COL6A2: variants seen among roughly 807,000 people sequenced by gnomAD.
COL6A2 encodes collagen type VI alpha 2 chain.
In COL6A2, 90 loss-of-function variants were observed where a neutral mutation model predicts 124.9. The ratio of observed to expected loss-of-function variants is 0.72; its 90% confidence interval spans 0.61 to 0.86. The LOEUF (loss-of-function observed/expected upper bound fraction) is 0.86. COL6A2 is among the 40% of genes least tolerant of loss of function. COL6A2 has a pLI of 0.00. For synonymous variants in COL6A2, 793 were observed against 618.2 expected (o/e 1.28, Z -4.19); for missense variants, 1,607 against 1,502.5 (o/e 1.07, Z -1.15).
Position 46,125,715 on chromosome 21 carries a change from G to A in COL6A2, c.1970-70G>A, listed in dbSNP as rs528015718. 454 of 1,598,220 alleles carry A rather than the reference G, an allele frequency of 2.8e-4. 1 individual carries two copies. Among genetic ancestry groups the A allele is most frequent in the Admixed American group, 3.8e-4 (22 of 58,536 alleles). On this transcript the variant is annotated intron_variant, in intron 25 of 27. Transcript: ENST00000300527. ...GTCCAGACGCGTCCCTCCAACGAGG[G>A]CCTCTGCATGGCTGGGGATGCCCCA... is the stretch of plus-strand genomic sequence containing the variant.
In COL6A2 at chr21:46,121,101, C is replaced by T. The variant is rs373846012; in HGVS notation, c.1436C>T (p.Ala479Val). Residue 479 changes from alanine to valine, a missense_variant, in exon 17 of 28, where the codon GCT becomes GTT. Physicochemically the swap from Ala to Val is moderately conservative, Grantham distance 64. This residue lies in a region of COL6A2 where 1,223 missense variants were observed against 1,052.2 expected (regional missense o/e 1.16). Coordinates refer to ENST00000300527, the MANE Select transcript of COL6A2 (RefSeq NM_001849.4). The stretch of plus-strand genomic sequence containing the variant: ...CCTGGACCCAGAGGCCCCCAGGGAG[C>T]TCTTGGGGAGCCCGGAAAGCAGGTC... The part of the protein sequence containing the change: ...GLPGPRGPQG[A>V]LGEPGKQGSR... 25 of 1,612,804 alleles carry T rather than the reference C, an allele frequency of 1.6e-5. No individual in the cohort carries two copies. The African/African-American group carries it at 3.1e-4, about 20-fold the overall frequency.
At chr21:46,112,756 C>T in intron 3 of COL6A2, 48 bp from the exon 4 acceptor site, 1 of 1,613,406 alleles carries the variant, frequency 6.2e-7, no homozygotes, top group Non-Finnish European at 8.5e-7. Context: ...TGCAGCCGCC[C>T]CAGGTCTCGA....
chr21:46,124,573 G>C, intron 21 of COL6A2, 78 bp from the exon 22 acceptor site: 1 of 1,413,836 alleles, frequency 7.1e-7, no homozygotes, highest in East Asian at 2.3e-5. Context: ...CGTGGTTGGG[G>C]ACAGCACAGG....
intron 1 of COL6A2, among the ~76,000 whole-genome samples, chr21:46,106,437 G>A (rs2078336022): frequency 6.6e-6 from 1 of 152,192 alleles, no homozygotes; most frequent in Non-Finnish European, 1.5e-5. Context: ...TGTTGGAGTG[G>A]GGATGGTAAT....
At chr21:46,111,046 G>C (rs1256848375) in intron 1 of COL6A2, among the ~76,000 whole-genome samples, 1 of 152,154 alleles carries the variant, frequency 6.6e-6, no homozygotes, top group Non-Finnish European at 1.5e-5. Flanking sequence ...GGGAAGCTGG[G>C]ATCTCTCTCC....
rs1290912034 is a variant in COL6A2 at position 46,132,235 on chromosome 21, T to C, written c.2743T>C (p.Ser915Pro). Reference protein sequence around the residue: ...LETTQYLNSFSHVGAGVVHAI... With the variant: ...LETTQYLNSFPHVGAGVVHAI... ...GACCACACAATACCTGAACTCCTTCTCGCACGTGGGCGCAGGCGTGGTGCA... is the reference window on the plus strand; with the variant it reads ...GACCACACAATACCTGAACTCCTTCCCGCACGTGGGCGCAGGCGTGGTGCA... Residue 915 changes from serine (S) to proline (P), a missense_variant, in exon 28 of 28, where the codon TCG becomes CCG. Ser to Pro is a moderately conservative substitution (Grantham distance 74). This residue lies in a region of COL6A2 where 1,223 missense variants were observed against 1,052.2 expected (regional missense o/e 1.16). Coordinates refer to ENST00000300527, the MANE Select transcript of COL6A2 (RefSeq NM_001849.4). The C allele has an allele frequency of 3.1e-6, 5 of 1,600,654 alleles. No homozygotes were observed. The highest frequency in any genetic ancestry group is 1.7e-4 in the Middle Eastern group (1 of 6,050).
intron 18 of COL6A2, among the ~76,000 whole-genome samples, chr21:46,121,824 G>A (rs967019239): frequency 2.0e-5 from 3 of 152,134 alleles, no homozygotes; most frequent in Admixed American, 6.5e-5. Context: ...TGACCCTTGG[G>A]TGTGCATGGC....
chr21:46,113,825 G>A, intron 4 of COL6A2, 183 bp from the exon 5 acceptor site: 1 of 672,864 alleles, frequency 1.5e-6, no homozygotes, highest in Non-Finnish European at 2.7e-6. Flanking sequence ...TGTCCCTGAT[G>A]GGGGCAGAGC....
At chr21:46,119,282 C>T (rs917175641) in intron 14 of COL6A2, among the ~76,000 whole-genome samples, 163 bp downstream of exon 14, 4 of 152,172 alleles carry the variant, frequency 2.6e-5, no homozygotes, top group African/African-American at 2.4e-5. Context: ...GACCACCCCA[C>T]GGGACCCCCC....
intron 27 of COL6A2, among the ~76,000 whole-genome samples, chr21:46,128,522 C>A (rs564730996): frequency 1.3e-5 from 2 of 150,366 alleles, no homozygotes; most frequent in African/African-American, 4.8e-5. Context: ...GCCCTGTCCA[C>A]CCCAAAGCCC....
At chr21:46,129,374 G>A (rs2078725917) in intron 27 of COL6A2, 2 of 1,612,886 alleles carry the variant, frequency 1.2e-6, no homozygotes, top group Admixed American at 3.3e-5. Context: ...CCGCCGAGCG[G>A]GCCAAGTTCG....
rs1255514828 is a variant in COL6A2, at chr21:46,132,002, T to C, written c.2510T>C (p.Leu837Pro). The C allele has an allele frequency of 2.5e-6, 4 of 1,610,214 alleles. No homozygotes were observed. Among genetic ancestry groups the C allele is most frequent in the Non-Finnish European group, 3.4e-6 (4 of 1,179,502 alleles). The change falls in exon 28 of 28, where the codon CTG becomes CCG. Residue 837 changes from leucine (L) to proline (P), a missense_variant. By Grantham distance (98) the Leu-to-Pro change is moderately conservative. This residue lies in a region of COL6A2 where 1,223 missense variants were observed against 1,052.2 expected (regional missense o/e 1.16). Transcript: ENST00000300527. Reference protein sequence around the residue: ...CTQRPVDIVFLLDGSERLGEQ... With the variant: ...CTQRPVDIVFPLDGSERLGEQ... ...CAGCGGCCCGTGGACATCGTCTTCC[T>C]GCTGGACGGCTCCGAGCGGCTGGGT...
In COL6A2 at chr21:46,116,329, G is replaced by C; in HGVS notation, c.901-48G>C. ...GCAGGGCTGGCCCTTCCCTGCCTGTGTCTCTGCAGAGCTCCTCACTAATGC... is the reference window on the plus strand; with the variant it reads ...GCAGGGCTGGCCCTTCCCTGCCTGTCTCTCTGCAGAGCTCCTCACTAATGC... On this transcript the variant is annotated intron_variant, in intron 7 of 27. Transcript: ENST00000300527. This position sits in a 1 kb window ranked among gnomAD's most constrained non-coding sequence, Gnocchi z 4.6. The C allele has an allele frequency of 6.2e-7, 1 of 1,608,116 alleles. No individual in the cohort carries two copies.
At chr21:46,114,824 T>TC (rs1290754424) in intron 5 of COL6A2, among the ~76,000 whole-genome samples, 2 of 152,150 alleles carry the variant, frequency 1.3e-5, no homozygotes, top group African/African-American at 2.4e-5. Context: ...TATGTGAAAC[T>TC]CCAACAATTC....
At chr21:46,131,590 C>T (rs2078760450) in intron 27 of COL6A2, among the ~76,000 whole-genome samples, 1 of 152,316 alleles carries the variant, frequency 6.6e-6, no homozygotes, top group South Asian at 2.1e-4. Flanking sequence ...ACTACACAGA[C>T]AGTGGCCCTT....
chr21:46,124,985 G>A (rs2078637891), intron 23 of COL6A2, 65 bp downstream of exon 23: 1 of 1,592,180 alleles, frequency 6.3e-7, no homozygotes, highest in Non-Finnish European at 8.6e-7. Flanking sequence ...AAGAGCAGCA[G>A]GGGTGGGGGA....
chr21:46,109,573 C>T (rs778285124), intron 1 of COL6A2, among the ~76,000 whole-genome samples: 13 of 152,248 alleles, frequency 8.5e-5, no homozygotes, highest in South Asian at 2.1e-4. Context: ...CAAGGGGCAC[C>T]GGTGCCCAGC....
chr21:46,123,879 ATGGGTGAGTC>A (rs2078611600), intron 21 of COL6A2, among the ~76,000 whole-genome samples: 3 of 141,534 alleles, frequency 2.1e-5, no homozygotes, highest in Non-Finnish European at 4.6e-5. Flanking sequence ...AGATGGATGG[ATGGGTGAGTC>A]AGTGGATAGA....
chr21:46,119,447 G>C (rs1261135987), intron 14 of COL6A2, among the ~76,000 whole-genome samples: 2 of 152,306 alleles, frequency 1.3e-5, no homozygotes, highest in East Asian at 3.9e-4. Flanking sequence ...GCCTGCCTGG[G>C]AGTGACCGCA....
Sources: gnomAD v4.1 joint callset for allele counts (sites outside exome capture counted in the v4.1 genomes callset) on GRCh38, gnomAD v4.1.1 for gene constraint, gnomAD v4.1.1 regional missense constraint, Gnocchi (gnomAD v3.1) non-coding constraint, MANE v1.5 for transcripts, NCBI Gene and HGNC (gene_info 2026-07-23, HGNC 2026-07-21) for gene names.